DYNC2I1: variants seen among roughly 807,000 people sequenced by gnomAD.
DYNC2I1 encodes cytoplasmic dynein 2 intermediate chain 1.
A neutral mutation model predicts 133.4 loss-of-function variants in DYNC2I1; 89 were observed. That is an observed-to-expected ratio of 0.67 (90% CI 0.56 to 0.80). The LOEUF (loss-of-function observed/expected upper bound fraction) is 0.80. Ranked by LOEUF, DYNC2I1 falls within the 30% of genes least tolerant of loss-of-function variation. The pLI is 0.00. For synonymous variants in DYNC2I1, 504 were observed against 484.3 expected (o/e 1.04, Z -0.54); for missense variants, 1,291 against 1,314.5 (o/e 0.98, Z 0.28).
chr7:158,957,397 C>T (rs557509700), downstream of DYNC2I1, among the ~76,000 whole-genome samples: 1 of 152,222 alleles, frequency 6.6e-6, no homozygotes, highest in Non-Finnish European at 1.5e-5. Context: ...TAGACTACTT[C>T]TTTGTTTGTT....
chr7:158,926,093 C>A, intron 17 of DYNC2I1, 94 bp from the exon 18 acceptor site: 2 of 960,804 alleles, frequency 2.1e-6, no homozygotes, highest in South Asian at 1.4e-5. Context: ...ATCTGTGAGA[C>A]CCAGAAGCAC....
At chr7:158,865,013 A>G (rs969328011) in intron 1 of DYNC2I1, among the ~76,000 whole-genome samples, 10 of 152,192 alleles carry the variant, frequency 6.6e-5, no homozygotes, top group African/African-American at 2.2e-4. Context: ...GGCAGGAACA[A>G]TGAGCGTCAG....
chr7:158,907,298 T>TTTA (rs1563145880), intron 11 of DYNC2I1, among the ~76,000 whole-genome samples: 1 of 137,404 alleles, frequency 7.3e-6, no homozygotes, highest in Non-Finnish European at 1.6e-5. Context: ...TTTTTTTTTT[T>TTTA]AAACCTGATT....
chr7:158,876,564 G>A (rs1427475092), intron 3 of DYNC2I1, 45 bp from the exon 4 acceptor site: 1 of 1,514,806 alleles, frequency 6.6e-7, no homozygotes, highest in Non-Finnish European at 8.8e-7. Flanking sequence ...GTTTTTTGAT[G>A]TGCTAACATT....
intron 9 of DYNC2I1, 103 bp from the exon 10 acceptor site, chr7:158,902,273 A>C: frequency 1.1e-6 from 1 of 924,262 alleles, no homozygotes. Flanking sequence ...TAATAAGGAC[A>C]TTGTCTGTTT....
the DYNC2I1 span, among the ~76,000 whole-genome samples, chr7:158,850,016 C>G: frequency 6.6e-6 from 1 of 152,254 alleles, no homozygotes; most frequent in Non-Finnish European, 1.5e-5. Context: ...CCTCCCACTG[C>G]CATTCATGGC....
At chr7:158,866,655 T>TG (rs1177684717) in intron 1 of DYNC2I1, among the ~76,000 whole-genome samples, 6 of 151,278 alleles carry the variant, frequency 4.0e-5, no homozygotes, top group Non-Finnish European at 7.4e-5. Flanking sequence ...GAGGCCGAGG[T>TG]GGGGGGCTCA....
At chr7:158,879,429 A>G (rs531646638) in intron 4 of DYNC2I1, among the ~76,000 whole-genome samples, 2 of 152,250 alleles carry the variant, frequency 1.3e-5, no homozygotes, top group African/African-American at 4.8e-5. Flanking sequence ...ACGCCCTTCC[A>G]CCGGGATGCT....
At chr7:158,849,336 T>C in the DYNC2I1 span, among the ~76,000 whole-genome samples, 1 of 152,256 alleles carries the variant, frequency 6.6e-6, no homozygotes, top group African/African-American at 2.4e-5. Flanking sequence ...ATGTTTTCCC[T>C]ATCTAGAACT....
intron 14 of DYNC2I1, among the ~76,000 whole-genome samples, chr7:158,915,029 T>A (rs1377353304): frequency 6.6e-6 from 1 of 151,834 alleles, no homozygotes; most frequent in Admixed American, 6.6e-5. Context: ...CACTGAAGAG[T>A]GGAACGTTGT....
At chr7:158,857,164 G>C (rs964057037) in intron 1 of DYNC2I1, among the ~76,000 whole-genome samples, 1 of 152,220 alleles carries the variant, frequency 6.6e-6, no homozygotes, top group African/African-American at 2.4e-5. Flanking sequence ...AGAGAGTGCA[G>C]CCTGGGTGCT....
intron 14 of DYNC2I1, among the ~76,000 whole-genome samples, chr7:158,918,043 A>T (rs542247967): frequency 1.4e-4 from 21 of 151,678 alleles, no homozygotes; most frequent in Admixed American, 5.9e-4. Context: ...CTCTCACTCA[A>T]CATTTCCTGC....
chr7:158,877,252 G>A (rs1389892243), intron 4 of DYNC2I1, among the ~76,000 whole-genome samples: 3 of 151,646 alleles, frequency 2.0e-5, no homozygotes, highest in Admixed American at 6.6e-5. Flanking sequence ...TTGGTGTTCC[G>A]CGGCGCGGGT....
intron 23 of DYNC2I1, 54 bp downstream of exon 23, chr7:158,934,603 C>G (rs949663466): frequency 9.2e-6 from 14 of 1,523,308 alleles, no homozygotes; most frequent in African/African-American, 8.3e-5. Flanking sequence ...TTTTTTGAGA[C>G]AGGGTCTTGC....
intron 23 of DYNC2I1, among the ~76,000 whole-genome samples, chr7:158,934,801 G>A (rs1402196994): frequency 2.6e-5 from 4 of 152,092 alleles, no homozygotes; most frequent in African/African-American, 9.7e-5. Flanking sequence ...TGTTGCCTAG[G>A]CTTGCCAGTT....
Position 158,864,250 on chromosome 7 carries a change from C to T in DYNC2I1, c.16-5605C>T, listed in dbSNP as rs138775902. Reference sequence around the variant, plus strand: ...TTCCTCAGATTAGTTTCTTTTCTTTCTCAGTGTCATGCAGGGAACAGGATG... The same window carrying T: ...TTCCTCAGATTAGTTTCTTTTCTTTTTCAGTGTCATGCAGGGAACAGGATG... On this transcript the variant is annotated intron_variant, in intron 1 of 24. Transcript: ENST00000407559. 1.4e-3 allele frequency among the ~76,000 whole-genome samples: 209 copies of T among 152,194 alleles called. 1 individual carries two copies. Among genetic ancestry groups the T allele is most frequent in the African/African-American group, 4.7e-3 (193 of 41,504 alleles).
chr7:158,851,495 CT>C, the DYNC2I1 span, among the ~76,000 whole-genome samples: 1 of 152,012 alleles, frequency 6.6e-6, no homozygotes, highest in South Asian at 2.1e-4. Context: ...GTAGTCCAGC[CT>C]GGGTGACAAG....
Position 158,890,002 on chromosome 7 carries a change from T to C in DYNC2I1, c.991-1263T>C, listed in dbSNP as rs1430743476. Among the ~76,000 whole-genome samples the C allele has an allele frequency of 3.8e-5, 4 of 105,578 alleles. 1 individual carries two copies. The highest frequency in any genetic ancestry group is 8.1e-4 in the South Asian group (2 of 2,468). 69.3% of individuals were successfully genotyped at this position (105,578 alleles called of 152,430 possible). ...ACCTGGGCCACGGAGTGAGACTCCT[T>C]CTCAAAAAAAAAAAAAAAAAAAAAA... On this transcript the variant is annotated intron_variant, in intron 7 of 24. Coordinates refer to ENST00000407559, the MANE Select transcript of DYNC2I1 (RefSeq NM_018051.5).
At chr7:158,880,028 C>G (rs376482863) in intron 5 of DYNC2I1, 39 bp downstream of exon 5, 15 of 1,538,230 alleles carry the variant, frequency 9.8e-6, no homozygotes, top group Non-Finnish European at 1.3e-5. Context: ...GCAGCCGCCC[C>G]GAGGCCGGCG....
Sources: gnomAD v4.1 joint callset for allele counts (sites outside exome capture counted in the v4.1 genomes callset) on GRCh38, gnomAD v4.1.1 for gene constraint, MANE v1.5 for transcripts, NCBI Gene and HGNC (gene_info 2026-07-23, HGNC 2026-07-21) for gene names.